Variants in CACNA2D3 observed in about 807,000 individuals in gnomAD.
CACNA2D3 encodes the protein calcium voltage-gated channel auxiliary subunit alpha2delta 3.
In CACNA2D3, 60 loss-of-function variants were observed where a neutral mutation model predicts 160.6. The observed-to-expected ratio is 0.37, with a 90% CI of 0.30 to 0.46. The LOEUF (loss-of-function observed/expected upper bound fraction) is 0.46, where lower values mean the gene tolerates loss of function less well. Among genes scored for constraint, CACNA2D3 ranks in the 20% least tolerant of loss-of-function variants. The pLI is 1.00. For synonymous variants in CACNA2D3, 558 were observed against 492.9 expected (o/e 1.13, Z -1.75); for missense variants, 1,205 against 1,365.0 (o/e 0.88, Z 1.85).
intron 13 of CACNA2D3, among the ~76,000 whole-genome samples, chr3:54,792,704 C>T (rs1407003922): frequency 6.6e-6 from 1 of 152,084 alleles, no homozygotes; most frequent in Non-Finnish European, 1.5e-5. Flanking sequence ...CTCATGGTTC[C>T]AGCTAAAGCC....
chr3:54,557,414 C>G (rs1397151612), intron 5 of CACNA2D3, among the ~76,000 whole-genome samples: 2 of 152,146 alleles, frequency 1.3e-5, no homozygotes, highest in Non-Finnish European at 2.9e-5. Flanking sequence ...ATTTCTAGGA[C>G]CACCTGGAGG....
intron 31 of CACNA2D3, among the ~76,000 whole-genome samples, chr3:55,003,373 A>T (rs949206311): frequency 6.6e-6 from 1 of 152,166 alleles, no homozygotes; most frequent in East Asian, 1.9e-4. Context: ...TGTTCATACC[A>T]TCTAAATACT....
intron 21 of CACNA2D3, among the ~76,000 whole-genome samples, chr3:54,882,680 G>C (rs1414494088): frequency 6.6e-6 from 1 of 152,158 alleles, no homozygotes; most frequent in East Asian, 1.9e-4. Flanking sequence ...CTGAGTAATA[G>C]AACTTAAGAA....
intron 35 of CACNA2D3, among the ~76,000 whole-genome samples, chr3:55,051,935 A>G (rs1371586067): frequency 1.3e-5 from 2 of 152,128 alleles, no homozygotes; most frequent in East Asian, 1.9e-4. Flanking sequence ...GCGCTTCCCA[A>G]GTGAGGCAAT....
chr3:54,622,700 T>C (rs748337676), intron 9 of CACNA2D3, among the ~76,000 whole-genome samples: 3 of 151,992 alleles, frequency 2.0e-5, no homozygotes, highest in Non-Finnish European at 4.4e-5. Flanking sequence ...CGACCACAAC[T>C]GGGAGTAGAG....
chr3:55,068,975 A>G (rs1253156444), intron 35 of CACNA2D3, among the ~76,000 whole-genome samples: 1 of 152,252 alleles, frequency 6.6e-6, no homozygotes, highest in East Asian at 1.9e-4. Flanking sequence ...GGTATAGAAG[A>G]GTATTCATTT....
intron 2 of CACNA2D3, among the ~76,000 whole-genome samples, chr3:54,183,548 G>A (rs181619288): frequency 8.0e-4 from 121 of 152,036 alleles, no homozygotes; most frequent in African/African-American, 2.7e-3. Context: ...AAAAATCTGT[G>A]TATTGTGTTC....
intron 3 of CACNA2D3, among the ~76,000 whole-genome samples, chr3:54,350,985 T>TTTA (rs1559457824): frequency 4.8e-5 from 2 of 41,852 alleles, no homozygotes; most frequent in Non-Finnish European, 9.9e-5. Context: ...TTTTTTTGTT[T>TTTA]GTTTTTTTTT....
chr3:54,217,676 C>G (rs1290492891), intron 2 of CACNA2D3, among the ~76,000 whole-genome samples: 3 of 152,074 alleles, frequency 2.0e-5, no homozygotes, highest in Admixed American at 2.0e-4. Context: ...CCACCAGAAG[C>G]TGGAAGGGGT....
chr3:54,503,352 T>C lies in CACNA2D3; in HGVS notation c.382-140T>C, dbSNP rs1390693343. ...CCCATGCAAAAGCAGCCATGGACAG[T>C]ACATAAGACATAAAAAGATTATGTG... On this transcript the variant is annotated intron_variant, in intron 4 of 37. Transcript: ENST00000474759. 2.6e-5 allele frequency: 18 copies of C among 690,098 alleles called. 1 individual carries two copies. Among genetic ancestry groups the C allele is most frequent in the Non-Finnish European group, 4.0e-5 (16 of 400,778 alleles). 42.7% of individuals were successfully genotyped at this position (690,098 alleles called of 1,614,324 possible). A position where few individuals can be genotyped will look rare whatever the true frequency, so the allele number is the denominator to read the frequency against.
intron 4 of CACNA2D3, among the ~76,000 whole-genome samples, chr3:54,448,755 G>T (rs1700260418): frequency 1.3e-5 from 2 of 152,174 alleles, no homozygotes; most frequent in South Asian, 4.1e-4. Context: ...TGTCTCTATT[G>T]TCCAGAACTC....
rs140323047 is a variant in CACNA2D3, at chr3:54,206,561, C to G, written c.204+82967C>G. ...TAAAAACTCAAACAGTGAAACCCTG[C>G]CGCGACCCAACCTTGAGAGGGTGAG... On this transcript the variant is annotated intron_variant, in intron 2 of 37. Transcript: ENST00000474759. Among the ~76,000 whole-genome samples the G allele has an allele frequency of 2.2e-4, 33 of 152,252 alleles. 1 individual carries two copies. Among genetic ancestry groups the G allele is most frequent in the African/African-American group, 7.7e-4 (32 of 41,548 alleles).
intron 25 of CACNA2D3, among the ~76,000 whole-genome samples, chr3:54,895,288 A>G (rs1700162653): frequency 6.6e-6 from 1 of 152,236 alleles, no homozygotes. Flanking sequence ...ATCATTAAGC[A>G]TACACCAAGC....
rs34291779 is a variant in CACNA2D3 at position 54,394,318 on chromosome 3, A to AT, written c.381+7558dup. 1.5e-3 allele frequency among the ~76,000 whole-genome samples: 207 copies of AT among 139,296 alleles called. 1 individual carries two copies. Among genetic ancestry groups the AT allele is most frequent in the African/African-American group, 1.7e-3 (65 of 37,226 alleles). The allele number at this position is 139,296 out of a possible 152,430, so 91.4% of individuals were successfully genotyped here. A position where few individuals can be genotyped will look rare whatever the true frequency, so the allele number is the denominator to read the frequency against. ...TGCAACCCTGCCTTGGAGAGTGAACATTTTTTTTTTTTTTATTATTATACT... is the reference window on the plus strand; with the variant it reads ...TGCAACCCTGCCTTGGAGAGTGAACATTTTTTTTTTTTTTTATTATTATACT... On this transcript the variant is annotated intron_variant, in intron 4 of 37. Coordinates refer to ENST00000474759, the MANE Select transcript of CACNA2D3 (RefSeq NM_018398.3).
chr3:54,566,544 G>A (rs1163117697), intron 6 of CACNA2D3, among the ~76,000 whole-genome samples: 1 of 152,112 alleles, frequency 6.6e-6, no homozygotes, highest in African/African-American at 2.4e-5. Context: ...AAAATGATGT[G>A]GCTGGCTGAC....
At chr3:54,371,614 A>T (rs537579228) in intron 3 of CACNA2D3, among the ~76,000 whole-genome samples, 2 of 152,230 alleles carry the variant, frequency 1.3e-5, no homozygotes, top group South Asian at 4.1e-4. Flanking sequence ...AATTTCCATC[A>T]CTCAAGTAAG....
At chr3:54,399,973 C>T (rs1333967841) in intron 4 of CACNA2D3, among the ~76,000 whole-genome samples, 1 of 118,600 alleles carries the variant, frequency 8.4e-6, no homozygotes, top group African/African-American at 3.3e-5. Flanking sequence ...GTAGGACCCT[C>T]TGAGCCAGGT....
At chr3:54,588,118 C>T (rs1351512883) in intron 9 of CACNA2D3, among the ~76,000 whole-genome samples, 1 of 152,152 alleles carries the variant, frequency 6.6e-6, no homozygotes, top group Admixed American at 6.5e-5. Flanking sequence ...ATGCTACCTG[C>T]AAGCAGGATT....
At chr3:54,419,046 T>A (rs975354627) in intron 4 of CACNA2D3, among the ~76,000 whole-genome samples, 1 of 152,200 alleles carries the variant, frequency 6.6e-6, no homozygotes, top group Non-Finnish European at 1.5e-5. Flanking sequence ...AAGTGGAGGA[T>A]CATCTCAAGA....
Sources: allele counts gnomAD v4.1 joint callset (sites outside exome capture counted in the v4.1 genomes callset), GRCh38; gene constraint gnomAD v4.1.1; transcripts MANE v1.5; gene names NCBI Gene and HGNC (gene_info 2026-07-23, HGNC 2026-07-21).